Variants in ARMC10 observed in about 807,000 individuals in gnomAD.
ARMC10 encodes the protein armadillo repeat containing 10.
ARMC10 carries 23 observed loss-of-function variants against 30.2 expected under a neutral mutation model. That is an observed-to-expected ratio of 0.76 (90% confidence interval 0.55 to 1.08). ARMC10 has a LOEUF of 1.08. Ranked by LOEUF, ARMC10 falls within the 50% of genes least tolerant of loss-of-function variation. The probability of loss-of-function intolerance (pLI) is 0.00; values close to 1 mark genes in which losing one functional copy is unlikely to be tolerated. For synonymous variants in ARMC10, 111 were observed against 164.4 expected (o/e 0.68, Z 2.48); for missense variants, 303 against 413.7 (o/e 0.73, Z 2.32).
Position 103,083,669 on chromosome 7 carries a change from T to C in ARMC10, c.245-13T>C. ...ATTTTAGCTTAACTTCAAATAACTTTCTTCTTATGCAGAAGACTTAACTGA... is the reference window on the plus strand; with the variant it reads ...ATTTTAGCTTAACTTCAAATAACTTCCTTCTTATGCAGAAGACTTAACTGA... On this transcript the variant is annotated splice_polypyrimidine_tract_variant and intron_variant, in intron 2 of 6. Transcript: ENST00000323716. 6.3e-7 allele frequency: 1 copy of C among 1,597,788 alleles called. No individual in the cohort carries two copies.
chr7:103,086,863 T>C, intron 4 of ARMC10, 99 bp downstream of exon 4: 1 of 1,544,708 alleles, frequency 6.5e-7, no homozygotes, highest in Non-Finnish European at 8.7e-7. Flanking sequence ...CTTTGTAATT[T>C]TACAGCCAAG....
intron 4 of ARMC10, chr7:103,086,998 C>T: frequency 8.5e-7 from 1 of 1,175,218 alleles, no homozygotes; most frequent in South Asian, 1.4e-5. Context: ...TTATCCTCTA[C>T]ATCAGGGACA....
intron 2 of ARMC10, among the ~76,000 whole-genome samples, chr7:103,080,961 G>A (rs1005406897): frequency 6.6e-6 from 1 of 152,144 alleles, no homozygotes; most frequent in Admixed American, 6.5e-5. Context: ...AGGAATAATG[G>A]TTGAGAGGAA....
chr7:103,098,198 AAATGTGAGTTATTC>A (rs1205680883), intron 6 of ARMC10, 87 bp from the exon 7 acceptor site: 3 of 1,151,546 alleles, frequency 2.6e-6, no homozygotes. Flanking sequence ...AAAAATTTTA[AAATGTGAGTTATTC>A]AATGTAGTTT....
chr7:103,094,947 G>A (rs890027184), intron 5 of ARMC10, among the ~76,000 whole-genome samples: 2 of 91,332 alleles, frequency 2.2e-5, no homozygotes, highest in African/African-American at 5.9e-5. Flanking sequence ...TGACCAAGTA[G>A]TAATTTTCTA....
At chr7:103,089,250 T>C (rs1485607661) in intron 4 of ARMC10, 4 of 242,796 alleles carry the variant, frequency 1.6e-5, no homozygotes, top group African/African-American at 4.5e-5. Context: ...CAGTAAGATA[T>C]GGGATACCAA....
At chr7:103,078,723 G>A (rs1388058676) in intron 2 of ARMC10, among the ~76,000 whole-genome samples, 1 of 152,064 alleles carries the variant, frequency 6.6e-6, no homozygotes, top group Non-Finnish European at 1.5e-5. Flanking sequence ...CTGGAGTGCA[G>A]TGGCGATCTT....
At chr7:103,091,038 T>C (rs1801272780) in intron 4 of ARMC10, among the ~76,000 whole-genome samples, 1 of 152,188 alleles carries the variant, frequency 6.6e-6, no homozygotes, top group Admixed American at 6.5e-5. Flanking sequence ...CACTTCAAAT[T>C]AGGAAAATTT....
intron 5 of ARMC10, 96 bp downstream of exon 5, chr7:103,092,749 A>G (rs1257189883): frequency 1.2e-6 from 1 of 860,238 alleles, no homozygotes; most frequent in Non-Finnish European, 1.6e-6. Context: ...AAGATTTATT[A>G]AAAACTCACA....
At chr7:103,075,551 G>A in intron 1 of ARMC10, 140 bp downstream of exon 1, 1 of 1,080,258 alleles carries the variant, frequency 9.3e-7, no homozygotes, top group African/African-American at 1.6e-5. Flanking sequence ...AGTGCAGGGT[G>A]CTGCGCCGCC....
intron 4 of ARMC10, among the ~76,000 whole-genome samples, chr7:103,090,712 G>A (rs1801238602): frequency 1.5e-5 from 2 of 134,864 alleles, no homozygotes; most frequent in South Asian, 4.8e-4. Flanking sequence ...GACCAGTTTG[G>A]GTGAGAACCC....
At chr7:103,086,995 C>T in intron 4 of ARMC10, 1 of 1,207,900 alleles carries the variant, frequency 8.3e-7, no homozygotes, top group Non-Finnish European at 1.1e-6. Context: ...AGGTTATCCT[C>T]TACATCAGGG....
chr7:103,092,081 C>A (rs1195478003), intron 4 of ARMC10, among the ~76,000 whole-genome samples: 1 of 152,110 alleles, frequency 6.6e-6, no homozygotes, highest in Non-Finnish European at 1.5e-5. Context: ...GCCTGTAATC[C>A]CAGAATTTTG....
intron 4 of ARMC10, 136 bp downstream of exon 4, chr7:103,086,900 A>C (rs1484088894): frequency 6.6e-7 from 1 of 1,520,476 alleles, no homozygotes; most frequent in Admixed American, 2.0e-5. Flanking sequence ...ATGGAGAATA[A>C]GACAGAAGAG....
intron 2 of ARMC10, among the ~76,000 whole-genome samples, chr7:103,079,789 C>G (rs1334885240): frequency 1.3e-5 from 2 of 151,950 alleles, no homozygotes; most frequent in Admixed American, 1.3e-4. Flanking sequence ...GACCCTGTTT[C>G]AAAAAATATA....
chr7:103,092,433 A>T (rs1237116674), intron 4 of ARMC10, 44 bp from the exon 5 acceptor site: 1 of 1,476,360 alleles, frequency 6.8e-7, no homozygotes, highest in Non-Finnish European at 9.2e-7. Context: ...CAGTAGAAAA[A>T]TTTTGGAGAT....
At chr7:103,096,663 A>G (rs1461187065) in intron 5 of ARMC10, 3 of 153,094 alleles carry the variant, frequency 2.0e-5, no homozygotes, top group Admixed American at 1.3e-4. Flanking sequence ...ATCATAGCTT[A>G]CTACATCCTT....
At chr7:103,090,106 C>G (rs1801183847) in intron 4 of ARMC10, among the ~76,000 whole-genome samples, 1 of 152,024 alleles carries the variant, frequency 6.6e-6, no homozygotes, top group Non-Finnish European at 1.5e-5. Context: ...GAGAGAATTC[C>G]AAGAGAACAG....
chr7:103,098,187 T>A (rs1023089627), intron 6 of ARMC10, 112 bp from the exon 7 acceptor site: 7 of 1,124,818 alleles, frequency 6.2e-6, no homozygotes, highest in South Asian at 7.6e-5. Context: ...AATGTGAATT[T>A]AAAAATTTTA....
Sources: gnomAD v4.1 joint callset for allele counts (sites outside exome capture counted in the v4.1 genomes callset) on GRCh38, gnomAD v4.1.1 for gene constraint, MANE v1.5 for transcripts, NCBI Gene and HGNC (gene_info 2026-07-23, HGNC 2026-07-21) for gene names.